PRKG1: variants seen among roughly 807,000 people sequenced by gnomAD.
The protein encoded by PRKG1 is cGMP-dependent protein kinase 1.
PRKG1 carries 35 observed loss-of-function variants against 88.1 expected under a neutral mutation model. That is an observed-to-expected ratio of 0.40 (90% CI 0.30 to 0.53). PRKG1 has a LOEUF of 0.53. PRKG1 is among the 20% of genes least tolerant of loss of function. The pLI is 0.59. For synonymous variants in PRKG1, 303 were observed against 292.5 expected (o/e 1.04, Z -0.37); for missense variants, 540 against 839.8 (o/e 0.64, Z 4.41).
At chr10:52,105,220 C>T (rs1351610698) in intron 7 of PRKG1, among the ~76,000 whole-genome samples, 1 of 151,542 alleles carries the variant, frequency 6.6e-6, no homozygotes, top group Non-Finnish European at 1.5e-5. Context: ...TTGGAAGAAA[C>T]ACATATATGG....
At chr10:51,106,150 G>A (rs1844827094) in intron 1 of PRKG1, among the ~76,000 whole-genome samples, 1 of 152,158 alleles carries the variant, frequency 6.6e-6, no homozygotes, top group Non-Finnish European at 1.5e-5. Flanking sequence ...TTTTGGATGA[G>A]TTATTAAGCC....
chr10:52,072,178 T>TC (rs1245074541), intron 7 of PRKG1, among the ~76,000 whole-genome samples: 1 of 147,370 alleles, frequency 6.8e-6, no homozygotes, highest in East Asian at 2.0e-4. Context: ...TTTTTTTTTT[T>TC]TTTTTTACGT....
At chr10:51,538,454 ATAT>A (rs1213070531) in intron 3 of PRKG1, among the ~76,000 whole-genome samples, 1 of 70,162 alleles carries the variant, frequency 1.4e-5, no homozygotes, top group East Asian at 4.4e-4. Context: ...ATTATATATT[ATAT>A]AATATATAAT....
At chr10:51,694,525 T>A (rs1163263543) in intron 3 of PRKG1, among the ~76,000 whole-genome samples, 1 of 152,150 alleles carries the variant, frequency 6.6e-6, no homozygotes, top group African/African-American at 2.4e-5. Context: ...TAAAACATAT[T>A]TTTGGTATTA....
chr10:51,167,626 T>C (rs561313283), intron 2 of PRKG1, among the ~76,000 whole-genome samples: 180 of 152,252 alleles, frequency 1.2e-3, no homozygotes, highest in Admixed American at 3.3e-3. Flanking sequence ...AAGCAAAATA[T>C]AATGGTGGCT....
At chr10:52,069,179 A>G (rs1846431326) in intron 7 of PRKG1, among the ~76,000 whole-genome samples, 2 of 152,188 alleles carry the variant, frequency 1.3e-5, no homozygotes, top group South Asian at 4.1e-4. Flanking sequence ...GTTAATTAAC[A>G]TTTCTGAACT....
chr10:52,140,254 G>A (rs1439862396), intron 8 of PRKG1, among the ~76,000 whole-genome samples: 2 of 152,132 alleles, frequency 1.3e-5, no homozygotes, highest in African/African-American at 2.4e-5. Flanking sequence ...TCTCCATCCT[G>A]TATTCAGCTT....
chr10:51,899,155 A>G (rs1435814464), intron 4 of PRKG1, among the ~76,000 whole-genome samples: 1 of 152,014 alleles, frequency 6.6e-6, no homozygotes, highest in Non-Finnish European at 1.5e-5. Flanking sequence ...TGTTTTACAT[A>G]TTTTTCATCA....
intron 3 of PRKG1, chr10:51,699,208 G>A (rs1448737806): frequency 3.7e-6 from 6 of 1,613,988 alleles, no homozygotes; most frequent in Non-Finnish European, 5.1e-6. Context: ...GATCCCCATA[G>A]GGTGAGTCAA....
chr10:51,583,067 A>C (rs945907336), intron 3 of PRKG1, among the ~76,000 whole-genome samples: 1 of 152,176 alleles, frequency 6.6e-6, no homozygotes, highest in Admixed American at 6.6e-5. Flanking sequence ...TCTAATTGTC[A>C]TATGTAAAAT....
intron 4 of PRKG1, among the ~76,000 whole-genome samples, chr10:51,885,125 GATA>G (rs1451391435): frequency 3.9e-5 from 6 of 152,122 alleles, no homozygotes; most frequent in Non-Finnish European, 7.4e-5. Context: ...TTAAAATGGA[GATA>G]ATAATTGTTG....
At chr10:51,522,521 G>T (rs933079271) in intron 3 of PRKG1, among the ~76,000 whole-genome samples, 14 of 152,164 alleles carry the variant, frequency 9.2e-5, no homozygotes, top group African/African-American at 3.4e-4. Context: ...TAATAATTTT[G>T]TGTGGCCTTT....
chr10:51,926,545 G>A (rs1271118778), intron 5 of PRKG1, among the ~76,000 whole-genome samples: 1 of 152,060 alleles, frequency 6.6e-6, no homozygotes, highest in Non-Finnish European at 1.5e-5. Flanking sequence ...TCATGGATGT[G>A]TGGCTTGCCC....
chr10:51,263,832 T>C (rs1042528932), intron 2 of PRKG1, among the ~76,000 whole-genome samples: 1 of 152,150 alleles, frequency 6.6e-6, no homozygotes, highest in Non-Finnish European at 1.5e-5. Flanking sequence ...AGAGAAGAGT[T>C]AGAGGTTATT....
At chr10:52,188,252 G>GTA (rs1455628284) in intron 9 of PRKG1, among the ~76,000 whole-genome samples, 2 of 1,976 alleles carry the variant, frequency 1.0e-3, no homozygotes, top group Admixed American at 0.016. Context: ...ATATATATGT[G>GTA]TATATATATA....
intron 3 of PRKG1, among the ~76,000 whole-genome samples, chr10:51,735,289 T>G (rs1168908477): frequency 1.3e-5 from 2 of 152,088 alleles, no homozygotes; most frequent in Non-Finnish European, 2.9e-5. Flanking sequence ...AAGTCCTTGG[T>G]TTAGAACTGA....
rs112627642 is a variant in PRKG1 at position 51,698,895 on chromosome 10, G to A, written c.593-105690G>A. 17 of 1,611,572 alleles carry A rather than the reference G, an allele frequency of 1.1e-5. No individual in the cohort carries two copies. The East Asian group carries it at 3.6e-4, about 34-fold the overall frequency. On this transcript the variant is annotated intron_variant, in intron 3 of 17. Coordinates refer to ENST00000373980, the MANE Select transcript of PRKG1 (RefSeq NM_006258.4). ...ACATTAGGTCCTGGGCAGAGCCCAG[G>A]GCCAGGGCCAGGGCCAGGGCCAGAG...
chr10:52,111,600 G>C (rs148533579), intron 7 of PRKG1, among the ~76,000 whole-genome samples: 59 of 152,268 alleles, frequency 3.9e-4, no homozygotes, highest in African/African-American at 1.4e-3. Context: ...ATGTCAGTGA[G>C]AATGCTTTAA....
At chr10:51,206,612 C>T (rs970100434) in intron 2 of PRKG1, among the ~76,000 whole-genome samples, 1 of 152,046 alleles carries the variant, frequency 6.6e-6, no homozygotes, top group African/African-American at 2.4e-5. Flanking sequence ...TTGAGCTGTA[C>T]AGGATTGTGG....
Sources: allele counts gnomAD v4.1 joint callset (sites outside exome capture counted in the v4.1 genomes callset), GRCh38; gene constraint gnomAD v4.1.1; transcripts MANE v1.5; gene names NCBI Gene and HGNC (gene_info 2026-07-23, HGNC 2026-07-21).